GALP: variants seen among roughly 807,000 people sequenced by gnomAD.
GALP encodes the protein galanin-like peptide.
In GALP, 12 loss-of-function variants were observed where a neutral mutation model predicts 15.2. The ratio of observed to expected loss-of-function variants is 0.79; its 90% CI spans 0.51 to 1.28. GALP has a LOEUF of 1.28. GALP is among the 50% of genes most tolerant of loss of function. The pLI is 0.00. For synonymous variants in GALP, 58 were observed against 55.1 expected, an observed-to-expected ratio of 1.05 and a Z score of -0.23; for missense variants, 161 against 145.6, an observed-to-expected ratio of 1.11 and a Z score of -0.55.
intron 2 of GALP, among the ~76,000 whole-genome samples, chr19:56,178,719 C>G (rs73617545): frequency 0.031 from 4,653 of 152,226 alleles, 224 homozygotes; most frequent in African/African-American, 0.1. Flanking sequence ...GAGCTAATGG[C>G]TGTGGAGGGT....
intron 3 of GALP, 67 bp from the exon 4 acceptor site, chr19:56,182,105 T>A: frequency 1.8e-6 from 2 of 1,132,490 alleles, no homozygotes; most frequent in South Asian, 1.2e-5. Flanking sequence ...GTTGAATTGA[T>A]GGACGATGTG....
chr19:56,183,344 A>G (rs199898051), intron 5 of GALP, 132 bp downstream of exon 5: 5 of 713,854 alleles, frequency 7.0e-6, no homozygotes, highest in Non-Finnish European at 1.0e-5. Flanking sequence ...ACCTGTAACC[A>G]CAGCCACTAC....
rs2032635790 is a variant in GALP at position 56,185,245 on chromosome 19, A to G, written c.326A>G (p.Lys109Arg). The change falls in exon 6 of 6, where the codon AAG (lysine) becomes AGG (arginine). Residue 109 changes from lysine (K) to arginine (R), a missense_variant. Physicochemically the swap from Lys to Arg is conservative, Grantham distance 26. Transcript: ENST00000357330. ...DLGMLSMKIP[K>R]EEDVLKS is the part of the protein sequence containing the mutation. ...GGCATGCTCAGCATGAAAATTCCCA[A>G]GGAGGAAGATGTCCTGAAGTCATAG... 3.7e-6 allele frequency: 6 copies of G among 1,609,088 alleles called. No homozygotes were observed. Among genetic ancestry groups the G allele is most frequent in the Non-Finnish European group, 5.1e-6 (6 of 1,175,968 alleles).
chr19:56,183,511 C>G (rs2032601747), intron 5 of GALP, among the ~76,000 whole-genome samples: 1 of 152,220 alleles, frequency 6.6e-6, no homozygotes, highest in South Asian at 2.1e-4. Flanking sequence ...CAACCTTGAT[C>G]TCCCCCAGTA....
Position 56,180,499 on chromosome 19 carries a change from G to A in GALP, c.88-87G>A, listed in dbSNP as rs576863616. 6.2e-5 allele frequency: 69 copies of A among 1,119,816 alleles called. No individual in the cohort carries two copies. In the African/African-American group the frequency reaches 7.2e-4, roughly 12 times the overall value. The allele number at this position is 1,119,816 out of a possible 1,614,324, so 69.4% of individuals were successfully genotyped here. On this transcript the variant is annotated intron_variant, in intron 2 of 5. Transcript: ENST00000357330. ...TGCTCCACAGGCCAGTGGGAAAGTCGTATGACGACCCACATCACCCCGGAC... is the reference window on the plus strand; with the variant it reads ...TGCTCCACAGGCCAGTGGGAAAGTCATATGACGACCCACATCACCCCGGAC...
intron 3 of GALP, among the ~76,000 whole-genome samples, chr19:56,181,205 A>G (rs1370292097): frequency 6.6e-6 from 1 of 151,786 alleles, no homozygotes; most frequent in Non-Finnish European, 1.5e-5. Flanking sequence ...CTGGGATTAC[A>G]GGCATGAGCC....
At position 56,185,347 on chromosome 19, in the gene GALP, T is replaced by G; in HGVS notation, c.*77T>G. The G allele has an allele frequency of 1.2e-6, 1 of 809,308 alleles. No individual in the cohort carries two copies. The highest frequency in any genetic ancestry group is 2.0e-6 in the Non-Finnish European group (1 of 489,044). 50.1% of individuals were successfully genotyped at this position (809,308 alleles called of 1,614,324 possible). On this transcript the variant is annotated 3_prime_UTR_variant, in exon 6 of 6. Transcript: ENST00000357330. ...TCTGAAACCTTTTCTAGGTACCCTA[T>G]GCTGAGACTAAGATCCTGAAGTTAA...
At chr19:56,177,460 G>A (rs1231226491) in intron 2 of GALP, among the ~76,000 whole-genome samples, 3 of 149,138 alleles carry the variant, frequency 2.0e-5, no homozygotes, top group African/African-American at 5.0e-5. Context: ...GCAGCGAGCC[G>A]AGATTGTGCC....
intron 5 of GALP, among the ~76,000 whole-genome samples, chr19:56,183,648 A>G (rs753842049): frequency 7.2e-5 from 11 of 152,060 alleles, no homozygotes; most frequent in Non-Finnish European, 1.3e-4. Flanking sequence ...CCCAGGTTGG[A>G]GTGCAATGGT....
Position 56,176,058 on chromosome 19 carries a change from G to C in GALP, c.-44G>C, listed in dbSNP as rs73934756. The stretch of plus-strand genomic sequence containing the variant: ...GAGCTGCGGAGAGCTGCCAGCTGCA[G>C]CGGGGTGAGAGCCTAGGCCAGGAGG... On this transcript the variant is annotated 5_prime_UTR_variant, in exon 1 of 6. Transcript: ENST00000357330. The C allele has an allele frequency of 0.19, 28,709 of 151,336 alleles. 3,672 individuals carry two copies. Among genetic ancestry groups the C allele is most frequent in the East Asian group, 0.38 (1,849 of 4,824 alleles). The allele number at this position is 151,336 out of a possible 1,614,324, so 9.4% of individuals were successfully genotyped here.
chr19:56,183,840 C>T (rs2032609586), intron 5 of GALP, among the ~76,000 whole-genome samples: 1 of 150,256 alleles, frequency 6.7e-6, no homozygotes, highest in African/African-American at 2.4e-5. Flanking sequence ...TCAGGTAATC[C>T]ACCTGCCTCG....
intron 5 of GALP, 72 bp downstream of exon 5, chr19:56,183,284 G>C: frequency 7.9e-7 from 1 of 1,261,508 alleles, no homozygotes; most frequent in South Asian, 1.2e-5. Context: ...GCAGAGCTTA[G>C]AGGGTAAAGG....
chr19:56,183,684 A>G (rs539113753), intron 5 of GALP, among the ~76,000 whole-genome samples: 2 of 151,974 alleles, frequency 1.3e-5, no homozygotes, highest in Admixed American at 6.6e-5. Flanking sequence ...TGCAACCTCC[A>G]CCTTCCGTGT....
chr19:56,179,060 C>A (rs1448038191), intron 2 of GALP, among the ~76,000 whole-genome samples: 1 of 152,062 alleles, frequency 6.6e-6, no homozygotes, highest in Non-Finnish European at 1.5e-5. Context: ...GCCTGTAAGC[C>A]CAGCTGCTCA....
chr19:56,185,244 A>G lies in GALP; in HGVS notation c.325A>G (p.Lys109Glu), dbSNP rs2032635737. 1 of 1,608,992 alleles carries G rather than the reference A, an allele frequency of 6.2e-7. No individual in the cohort carries two copies. Among genetic ancestry groups the G allele is most frequent in the African/African-American group, 1.3e-5 (1 of 74,912 alleles). Residue 109 changes from lysine (K) to glutamate (E), a missense_variant, in exon 6 of 6, where the codon AAG (lysine) becomes GAG (glutamate). Transcript: ENST00000357330. ...DLGMLSMKIP[K>E]EEDVLKS Reference sequence around the variant, plus strand: ...GGGCATGCTCAGCATGAAAATTCCCAAGGAGGAAGATGTCCTGAAGTCATA... The same window carrying G: ...GGGCATGCTCAGCATGAAAATTCCCGAGGAGGAAGATGTCCTGAAGTCATA...
At chr19:56,179,988 G>C (rs2032535388) in intron 2 of GALP, among the ~76,000 whole-genome samples, 1 of 152,008 alleles carries the variant, frequency 6.6e-6, no homozygotes, top group Non-Finnish European at 1.5e-5. Flanking sequence ...GGTTGGCCAG[G>C]CTGGTCTTGA....
intron 4 of GALP, among the ~76,000 whole-genome samples, chr19:56,182,844 C>T (rs551915): frequency 0.24 from 36,336 of 152,066 alleles, 5,128 homozygotes; most frequent in Admixed American, 0.35. Context: ...CCGTCGCGCC[C>T]GGCCTTATTT....
Position 56,177,133 on chromosome 19 carries a change from G to GTCC in GALP, c.34_36dup (p.Leu12dup). 1 of 1,613,420 alleles carries GTCC rather than the reference G, an allele frequency of 6.2e-7. No individual in the cohort carries two copies. ...GATGGCTCCTCCCTCCGTCCCCCTG[G>GTCC]TCCTCCTCCTCGTCCTCTTGCTGAG... On this transcript the variant is annotated inframe_insertion, in exon 2 of 6. Coordinates refer to ENST00000357330, the MANE Select transcript of GALP (RefSeq NM_033106.4).
chr19:56,182,989 C>T, intron 4 of GALP, 146 bp from the exon 5 acceptor site: 1 of 627,316 alleles, frequency 1.6e-6, no homozygotes, highest in South Asian at 1.8e-5. Flanking sequence ...TGGTTATTCT[C>T]TCTGCTCCTC....
Sources: allele counts gnomAD v4.1 joint callset (sites outside exome capture counted in the v4.1 genomes callset), GRCh38; gene constraint gnomAD v4.1.1; transcripts MANE v1.5; gene names NCBI Gene and HGNC (gene_info 2026-07-23, HGNC 2026-07-21).